EFR3A: variants seen among roughly 807,000 people sequenced by gnomAD.
The protein encoded by EFR3A is EFR3 homolog A, also known as protein EFR3 homolog A.
A neutral mutation model predicts 104.4 loss-of-function variants in EFR3A; 76 were observed. That is an observed-to-expected ratio of 0.73 (90% CI 0.60 to 0.88). The LOEUF (loss-of-function observed/expected upper bound fraction) is 0.88, where lower values mean the gene tolerates loss of function less well. Among genes scored for constraint, EFR3A ranks in the 40% least tolerant of loss-of-function variants. EFR3A has a pLI of 0.00. For synonymous variants in EFR3A, 330 were observed against 330.0 expected (o/e 1.00, Z 0.00); for missense variants, 985 against 1,012.5 (o/e 0.97, Z 0.37).
chr8:131,968,096 C>CA (rs1258122925), intron 8 of EFR3A, among the ~76,000 whole-genome samples, 199 bp from the exon 9 acceptor site: 6 of 152,030 alleles, frequency 3.9e-5, no homozygotes, highest in Non-Finnish European at 7.4e-5. Context: ...TTTTTTCACT[C>CA]AGAGTGTCAT....
intron 22 of EFR3A, among the ~76,000 whole-genome samples, chr8:132,003,610 T>C (rs1821896572): frequency 6.6e-6 from 1 of 152,238 alleles, no homozygotes; most frequent in African/African-American, 2.4e-5. Context: ...ATTAGGAAAT[T>C]GCTCATATTG....
At chr8:131,955,056 T>G (rs903585238) in intron 6 of EFR3A, among the ~76,000 whole-genome samples, 1 of 152,120 alleles carries the variant, frequency 6.6e-6, no homozygotes, top group Non-Finnish European at 1.5e-5. Flanking sequence ...GAGGTGAAAG[T>G]TTCCTTATCT....
At chr8:131,984,606 T>G (rs551263866) in intron 15 of EFR3A, among the ~76,000 whole-genome samples, 1 of 152,238 alleles carries the variant, frequency 6.6e-6, no homozygotes, top group Non-Finnish European at 1.5e-5. Flanking sequence ...ATGACATACA[T>G]GCAGTTGTTT....
intron 8 of EFR3A, among the ~76,000 whole-genome samples, chr8:131,959,905 G>C (rs939390173): frequency 6.6e-6 from 1 of 152,214 alleles, no homozygotes; most frequent in Non-Finnish European, 1.5e-5. Context: ...GGCCAACACA[G>C]ACAAGCTTCT....
At chr8:131,928,775 C>G (rs1817436082) in intron 1 of EFR3A, among the ~76,000 whole-genome samples, 1 of 151,732 alleles carries the variant, frequency 6.6e-6, no homozygotes, top group South Asian at 2.1e-4. Context: ...TTCTTAATTT[C>G]TTTTTCTGAT....
intron 18 of EFR3A, among the ~76,000 whole-genome samples, chr8:131,994,607 G>A (rs989213319): frequency 2.0e-5 from 3 of 152,122 alleles, no homozygotes; most frequent in African/African-American, 7.2e-5. Context: ...AGTATAGAAG[G>A]GAGAAACATA....
Position 132,011,591 on chromosome 8 carries a change from C to A in EFR3A, c.*696C>A. The A allele has an allele frequency of 3.9e-6, 1 of 254,920 alleles. No homozygotes were observed. The highest frequency in any genetic ancestry group is 6.2e-6 in the Non-Finnish European group (1 of 161,874). 15.8% of individuals were successfully genotyped at this position (254,920 alleles called of 1,614,324 possible). Reference sequence around the variant, plus strand: ...ACCATTCTGCTTGAGAAGTGTAGAGCTTACTCTTGGAGTACCAAACTGTGC... The same window carrying A: ...ACCATTCTGCTTGAGAAGTGTAGAGATTACTCTTGGAGTACCAAACTGTGC... On this transcript the variant is annotated 3_prime_UTR_variant, in exon 23 of 23. Transcript: ENST00000254624.
chr8:131,960,276 AT>A (rs564955877), intron 8 of EFR3A, among the ~76,000 whole-genome samples: 50 of 150,910 alleles, frequency 3.3e-4, no homozygotes, highest in Non-Finnish European at 5.6e-4. Context: ...TATAGTATAG[AT>A]TTTTTTTTTC....
chr8:131,975,899 A>G, intron 10 of EFR3A, 128 bp from the exon 11 acceptor site: 1 of 620,540 alleles, frequency 1.6e-6, no homozygotes, highest in East Asian at 2.7e-5. Context: ...CTTTAATGTT[A>G]CATGTAGCTT....
intron 18 of EFR3A, 156 bp from the exon 19 acceptor site, chr8:131,996,250 C>A (rs974577666): frequency 1.3e-5 from 6 of 472,024 alleles, no homozygotes; most frequent in Non-Finnish European, 2.2e-5. Context: ...TGTAAAAGTC[C>A]GAGAACACGC....
At chr8:131,957,547 G>A (rs1187096385) in intron 7 of EFR3A, among the ~76,000 whole-genome samples, 10 of 151,816 alleles carry the variant, frequency 6.6e-5, no homozygotes, top group African/African-American at 9.7e-5. Flanking sequence ...ATGAGATTTC[G>A]CCATGTTGTT....
chr8:131,992,600 G>A (rs142762504), intron 18 of EFR3A, among the ~76,000 whole-genome samples: 1 of 152,278 alleles, frequency 6.6e-6, no homozygotes, highest in African/African-American at 2.4e-5. Flanking sequence ...AGAAGAAAGA[G>A]GGACAAGTAG....
chr8:131,930,505 T>C (rs1207450390), intron 1 of EFR3A, among the ~76,000 whole-genome samples: 1 of 134,678 alleles, frequency 7.4e-6, no homozygotes, highest in African/African-American at 2.6e-5. Flanking sequence ...TCTGGTCATG[T>C]TTTAGAAAAA....
intron 4 of EFR3A, among the ~76,000 whole-genome samples, chr8:131,948,500 G>A (rs544775437): frequency 5.5e-4 from 83 of 152,148 alleles, no homozygotes; most frequent in African/African-American, 2.0e-3. Context: ...GGAATATATT[G>A]GGTATTTCCA....
intron 8 of EFR3A, among the ~76,000 whole-genome samples, chr8:131,965,874 T>C (rs1164215944): frequency 6.6e-6 from 1 of 152,072 alleles, no homozygotes; most frequent in Non-Finnish European, 1.5e-5. Flanking sequence ...TGGAATACTA[T>C]GCAGCCATAA....
intron 13 of EFR3A, 126 bp from the exon 14 acceptor site, chr8:131,979,220 C>G: frequency 4.2e-6 from 4 of 944,836 alleles, no homozygotes; most frequent in Non-Finnish European, 6.2e-6. Flanking sequence ...TCTTCAGAAG[C>G]AATTCAGTAG....
At chr8:131,977,968 T>C (rs943865587) in intron 12 of EFR3A, among the ~76,000 whole-genome samples, 4 of 152,184 alleles carry the variant, frequency 2.6e-5, no homozygotes, top group African/African-American at 7.2e-5. Flanking sequence ...CATTTAGAAC[T>C]TTAATCTGAA....
chr8:131,991,276 T>C (rs932824115), intron 18 of EFR3A, among the ~76,000 whole-genome samples: 1 of 152,142 alleles, frequency 6.6e-6, no homozygotes, highest in Admixed American at 6.5e-5. Context: ...TACCACTGTG[T>C]CCCTCCCACA....
At chr8:131,989,606 C>CTT (rs1185733518) in intron 18 of EFR3A, among the ~76,000 whole-genome samples, 1 of 152,114 alleles carries the variant, frequency 6.6e-6, no homozygotes, top group Admixed American at 6.6e-5. Flanking sequence ...TTCAGGGACT[C>CTT]AAATATTGTT....
Sources: gnomAD v4.1 joint callset for allele counts (sites outside exome capture counted in the v4.1 genomes callset) on GRCh38, gnomAD v4.1.1 for gene constraint, MANE v1.5 for transcripts, NCBI Gene and HGNC (gene_info 2026-07-23, HGNC 2026-07-21) for gene names.